Variants in ARFIP1 observed in about 807,000 individuals in gnomAD.
ARFIP1 encodes the protein ARF interacting protein 1.
In ARFIP1, 24 loss-of-function variants were observed where a neutral mutation model predicts 42.5. The ratio of observed to expected loss-of-function variants is 0.57; its 90% CI spans 0.41 to 0.80. ARFIP1 has a LOEUF of 0.80. ARFIP1 is among the 30% of genes least tolerant of loss of function. The pLI is 0.00. For synonymous variants in ARFIP1, 141 were observed against 153.7 expected (o/e 0.92, Z 0.61); for missense variants, 354 against 434.0 (o/e 0.82, Z 1.64).
At chr4:152,880,395 G>A (rs1023372451) in intron 5 of ARFIP1, among the ~76,000 whole-genome samples, 3 of 151,762 alleles carry the variant, frequency 2.0e-5, no homozygotes, top group Non-Finnish European at 4.4e-5. Flanking sequence ...TATTTCTGGG[G>A]CAGAATACAA....
intron 1 of ARFIP1, among the ~76,000 whole-genome samples, chr4:152,822,629 CACA>C (rs1397526871): frequency 6.6e-6 from 1 of 152,182 alleles, no homozygotes; most frequent in East Asian, 1.9e-4. Context: ...CATCAGCACA[CACA>C]ACATTCTCCA....
chr4:152,905,926 T>C (rs1484143669), intron 8 of ARFIP1, among the ~76,000 whole-genome samples: 2 of 152,160 alleles, frequency 1.3e-5, no homozygotes, highest in African/African-American at 4.8e-5. Flanking sequence ...AATATATGGC[T>C]TTTTCACTTT....
chr4:152,861,454 C>G (rs577647894), intron 2 of ARFIP1, among the ~76,000 whole-genome samples: 1 of 151,922 alleles, frequency 6.6e-6, no homozygotes, highest in Admixed American at 6.6e-5. Context: ...CAGTGAAAAA[C>G]TTAAGGAAAA....
At chr4:152,904,931 C>G (rs1214056259) in intron 8 of ARFIP1, among the ~76,000 whole-genome samples, 3 of 152,114 alleles carry the variant, frequency 2.0e-5, no homozygotes, top group African/African-American at 7.2e-5. Flanking sequence ...ATTGCTGGGT[C>G]AAATGGTATT....
At chr4:152,904,199 T>C (rs1013651245) in intron 8 of ARFIP1, among the ~76,000 whole-genome samples, 1 of 79,954 alleles carries the variant, frequency 1.3e-5, no homozygotes, top group Non-Finnish European at 2.4e-5. Context: ...TATATATATA[T>C]TTTTTTTTTT....
chr4:152,782,031 T>A (rs1189641434), intron 1 of ARFIP1, among the ~76,000 whole-genome samples: 2 of 152,240 alleles, frequency 1.3e-5, no homozygotes, highest in African/African-American at 4.8e-5. Context: ...TTGTTGAAGT[T>A]AGTGAAAACA....
chr4:152,836,079 T>C (rs1264084081), intron 2 of ARFIP1, among the ~76,000 whole-genome samples: 3 of 152,168 alleles, frequency 2.0e-5, no homozygotes, highest in Admixed American at 6.5e-5. Context: ...GAGAATCACA[T>C]TTCAGCATGA....
chr4:152,897,712 C>T (rs1737459965), intron 8 of ARFIP1, among the ~76,000 whole-genome samples: 1 of 152,100 alleles, frequency 6.6e-6, no homozygotes, highest in African/African-American at 2.4e-5. Flanking sequence ...TTTTGCCAGC[C>T]TTGGGTATTA....
chr4:152,822,477 G>A (rs72723679), intron 1 of ARFIP1, among the ~76,000 whole-genome samples: 6,603 of 152,192 alleles, frequency 0.043, 178 homozygotes, highest in South Asian at 0.11. Context: ...TGGGACTTCA[G>A]TACTCCACTG....
intron 2 of ARFIP1, among the ~76,000 whole-genome samples, chr4:152,851,365 G>T (rs930481073): frequency 6.6e-6 from 1 of 152,282 alleles, no homozygotes; most frequent in Admixed American, 6.5e-5. Context: ...GGATGACCTA[G>T]CCAGATAAAG....
intron 2 of ARFIP1, among the ~76,000 whole-genome samples, chr4:152,837,192 G>A (rs1475033013): frequency 2.0e-5 from 3 of 152,100 alleles, no homozygotes; most frequent in African/African-American, 7.2e-5. Flanking sequence ...ATAGGCATTT[G>A]GGTTGTTTCC....
chr4:152,856,111 G>A (rs1044887675), intron 2 of ARFIP1, among the ~76,000 whole-genome samples: 3 of 152,154 alleles, frequency 2.0e-5, no homozygotes, highest in Non-Finnish European at 2.9e-5. Context: ...CAAGATGAAA[G>A]GTATCTCTAT....
intron 1 of ARFIP1, among the ~76,000 whole-genome samples, chr4:152,792,173 A>G (rs1049329569): frequency 6.6e-5 from 10 of 152,154 alleles, no homozygotes; most frequent in South Asian, 4.1e-4. Flanking sequence ...AGTGTTTTCT[A>G]TTTACCTCCT....
intron 1 of ARFIP1, among the ~76,000 whole-genome samples, chr4:152,784,942 G>A (rs1402864360): frequency 1.3e-5 from 2 of 152,224 alleles, no homozygotes; most frequent in Non-Finnish European, 2.9e-5. Flanking sequence ...ACTGCCTTTG[G>A]AACAGGATCA....
intron 7 of ARFIP1, among the ~76,000 whole-genome samples, chr4:152,887,605 A>C (rs550289921): frequency 1.1e-4 from 17 of 152,230 alleles, no homozygotes; most frequent in Non-Finnish European, 1.8e-4. Flanking sequence ...GTAAAATGAA[A>C]TATATTGATA....
intron 5 of ARFIP1, among the ~76,000 whole-genome samples, chr4:152,874,683 G>A (rs1409558337): frequency 6.6e-6 from 1 of 151,714 alleles, no homozygotes; most frequent in African/African-American, 2.4e-5. Flanking sequence ...GTTTGTTTGT[G>A]TAGATAGGTC....
At chr4:152,880,223 A>G (rs1308818891) in intron 5 of ARFIP1, among the ~76,000 whole-genome samples, 1 of 152,048 alleles carries the variant, frequency 6.6e-6, no homozygotes, top group Non-Finnish European at 1.5e-5. Context: ...CACGCCTGTA[A>G]TCTCAGCTAC....
chr4:152,804,185 T>TATATATAATATAAGATGTATTATATATA (rs1728716288), intron 1 of ARFIP1, among the ~76,000 whole-genome samples: 1 of 108,426 alleles, frequency 9.2e-6, no homozygotes, highest in Non-Finnish European at 1.8e-5. Flanking sequence ...TATTATATAT[T>TATATATAATATAAGATGTATTATATATA]ATATATAATA....
chr4:152,796,284 CA>C, intron 1 of ARFIP1: 2 of 1,010,396 alleles, frequency 2.0e-6, no homozygotes, highest in Non-Finnish European at 3.0e-6. Flanking sequence ...GCTTTCAGTT[CA>C]GGTTGTGTTA....
Sources: gnomAD v4.1 joint callset for allele counts (sites outside exome capture counted in the v4.1 genomes callset) on GRCh38, gnomAD v4.1.1 for gene constraint, MANE v1.5 for transcripts, NCBI Gene and HGNC (gene_info 2026-07-23, HGNC 2026-07-21) for gene names.